Variants in ZFHX3 observed in about 807,000 individuals in gnomAD.
ZFHX3 encodes the protein zinc finger homeobox 3, also known as zinc finger homeobox protein 3.
A neutral mutation model predicts 279.1 loss-of-function variants in ZFHX3; 42 were observed. That is an observed-to-expected ratio of 0.15 (90% CI 0.12 to 0.19). The LOEUF is 0.19. Among genes scored for constraint, ZFHX3 ranks in the 10% least tolerant of loss-of-function variants. The pLI is 1.00. For synonymous variants in ZFHX3, 2,293 were observed against 1,957.8 expected (o/e 1.17, Z -4.52); for missense variants, 4,981 against 4,754.0 (o/e 1.05, Z -1.40).
chr16:73,020,227 A>G (rs1214826382), intron 1 of ZFHX3, among the ~76,000 whole-genome samples: 1 of 152,242 alleles, frequency 6.6e-6, no homozygotes, highest in East Asian at 1.9e-4. Flanking sequence ...TTAAAAATAC[A>G]TTTAATGAAT....
chr16:73,427,787 A>G (rs1158344398), intron 3 of ZFHX3, among the ~76,000 whole-genome samples: 3 of 151,644 alleles, frequency 2.0e-5, no homozygotes, highest in Non-Finnish European at 4.4e-5. Flanking sequence ...AAAAAAAAAT[A>G]CAAAAATTAG....
chr16:73,881,041 G>A (rs528670720), intron 1 of ZFHX3, among the ~76,000 whole-genome samples: 6 of 152,076 alleles, frequency 3.9e-5, no homozygotes, highest in Non-Finnish European at 5.9e-5. Flanking sequence ...TACTACATCC[G>A]CTCTTCAAAT....
At chr16:73,437,082 C>G (rs376130176) in intron 3 of ZFHX3, among the ~76,000 whole-genome samples, 3 of 152,312 alleles carry the variant, frequency 2.0e-5, no homozygotes, top group African/African-American at 7.2e-5. Context: ...GTGTAGGAAG[C>G]ACACGACTTC....
intron 1 of ZFHX3, among the ~76,000 whole-genome samples, chr16:73,778,700 C>T (rs551088892): frequency 2.0e-5 from 3 of 152,306 alleles, no homozygotes; most frequent in East Asian, 1.9e-4. Flanking sequence ...AGGTCTGAAG[C>T]GCCTTGCTGT....
Position 72,831,736 on chromosome 16 carries a change from C to T in ZFHX3, c.3449-1877G>A, listed in dbSNP as rs562267594. On this transcript the variant is annotated intron_variant, in intron 4 of 9. Transcript: ENST00000268489. ...ATCTTTGAATGGTGATACCAGCGTG[C>T]GGTCAATGAATATTATTGCATTCGG... Among the ~76,000 whole-genome samples the T allele has an allele frequency of 1.2e-4, 19 of 152,224 alleles. No homozygotes were observed. In the East Asian group the frequency reaches 2.5e-3, roughly 20 times the overall value.
At chr16:73,219,834 C>A (rs2012349950) in intron 5 of ZFHX3, among the ~76,000 whole-genome samples, 1 of 152,068 alleles carries the variant, frequency 6.6e-6, no homozygotes, top group Non-Finnish European at 1.5e-5. Context: ...GCCTGTAATC[C>A]CAGAACTTTG....
intron 5 of ZFHX3, among the ~76,000 whole-genome samples, chr16:73,219,534 C>G (rs1486029293): frequency 6.6e-6 from 1 of 152,158 alleles, no homozygotes; most frequent in Non-Finnish European, 1.5e-5. Context: ...TGAGGCATGC[C>G]CAGTTGACAG....
intron 3 of ZFHX3, among the ~76,000 whole-genome samples, chr16:73,455,228 T>C (rs1267029343): frequency 1.3e-5 from 2 of 152,186 alleles, no homozygotes; most frequent in Non-Finnish European, 2.9e-5. Flanking sequence ...TTCATAAAAA[T>C]AGCACCTCTT....
chr16:72,807,846 T>G (rs924947270), intron 7 of ZFHX3: 2 of 152,126 alleles, frequency 1.3e-5, no homozygotes, highest in Non-Finnish European at 2.9e-5. Flanking sequence ...GTCAACCCAT[T>G]TGGAAAGAAA....
intron 3 of ZFHX3, among the ~76,000 whole-genome samples, chr16:73,358,244 G>A (rs1291973979): frequency 6.6e-6 from 1 of 152,244 alleles, no homozygotes; most frequent in Admixed American, 6.5e-5. Context: ...TCGAGTGTGG[G>A]CTGGACTTAG....
intron 2 of ZFHX3, chr16:73,487,277 T>C (rs2018992392): frequency 6.6e-6 from 2 of 301,352 alleles, no homozygotes; most frequent in Admixed American, 4.7e-5. Flanking sequence ...GTTTAGTTAA[T>C]GGTGGGCAGC....
At chr16:73,773,380 CTGTT>C (rs2054041585) in intron 1 of ZFHX3, among the ~76,000 whole-genome samples, 1 of 152,182 alleles carries the variant, frequency 6.6e-6, no homozygotes, top group Admixed American at 6.5e-5. Context: ...TATCATCAAA[CTGTT>C]TGTATCAGTG....
chr16:73,647,093 C>T (rs1337921428), intron 2 of ZFHX3, among the ~76,000 whole-genome samples: 1 of 150,230 alleles, frequency 6.7e-6, no homozygotes, highest in Non-Finnish European at 1.5e-5. Flanking sequence ...GCGCACTGCA[C>T]GGTCCGACTC....
chr16:73,317,554 A>C (rs1390653796), intron 4 of ZFHX3, among the ~76,000 whole-genome samples: 4 of 152,140 alleles, frequency 2.6e-5, no homozygotes, highest in African/African-American at 9.7e-5. Flanking sequence ...ATGCCATTAC[A>C]CTCAGAAGAA....
intron 4 of ZFHX3, among the ~76,000 whole-genome samples, chr16:73,268,291 G>A (rs1724342123): frequency 6.6e-6 from 1 of 152,136 alleles, no homozygotes. Flanking sequence ...GAGTTCTGGG[G>A]GAGATGCTTT....
intron 8 of ZFHX3, among the ~76,000 whole-genome samples, chr16:73,085,803 A>C (rs1282159347): frequency 1.3e-5 from 2 of 152,192 alleles, no homozygotes; most frequent in Non-Finnish European, 2.9e-5. Context: ...TTAAAAGCAC[A>C]GGCATCAAAA....
At chr16:73,121,697 G>T (rs1022591435) in intron 7 of ZFHX3, among the ~76,000 whole-genome samples, 1 of 149,982 alleles carries the variant, frequency 6.7e-6, no homozygotes, top group African/African-American at 2.5e-5. Context: ...CTCACTGCAA[G>T]CTCTGCCTCC....
At chr16:73,283,395 G>A (rs2014506172) in intron 4 of ZFHX3, among the ~76,000 whole-genome samples, 1 of 152,194 alleles carries the variant, frequency 6.6e-6, no homozygotes, top group Non-Finnish European at 1.5e-5. Context: ...AGACCAAGGG[G>A]AAAGGGTCAT....
intron 1 of ZFHX3, among the ~76,000 whole-genome samples, chr16:73,018,134 C>T (rs927934353): frequency 6.6e-5 from 10 of 151,604 alleles, no homozygotes; most frequent in Non-Finnish European, 1.5e-4. Flanking sequence ...TACAGGCATG[C>T]GCCATCACAC....
Sources: gnomAD v4.1 joint callset for allele counts (sites outside exome capture counted in the v4.1 genomes callset) on GRCh38, gnomAD v4.1.1 for gene constraint, MANE v1.5 for transcripts, NCBI Gene and HGNC (gene_info 2026-07-23, HGNC 2026-07-21) for gene names.